PLAC1: variants seen among roughly 807,000 people sequenced by gnomAD.
The protein encoded by PLAC1 is placenta associated 1, also known as placenta-specific protein 1.
For missense variants in PLAC1, 136 were observed against 163.2 expected (o/e 0.83, Z 0.91); for synonymous variants, 68 against 62.1 (o/e 1.09, Z -0.44).
At chrX:134,712,475 G>C (rs185577244) in intron 2 of PLAC1, among the ~76,000 whole-genome samples, 5 of 111,457 alleles carry the variant, frequency 4.5e-5, no homozygotes, top group African/African-American at 1.6e-4. Context: ...AACACAGCCA[G>C]TGCTAGAAGT....
At chrX:134,587,262 C>T (rs917374384) in intron 2 of PLAC1, among the ~76,000 whole-genome samples, 1 of 110,417 alleles carries the variant, frequency 9.1e-6, no homozygotes, top group Non-Finnish European at 1.9e-5. Context: ...CCTTAAGCCT[C>T]CCTTTATGGG....
intron 2 of PLAC1, among the ~76,000 whole-genome samples, chrX:134,580,866 A>G (rs2077970612): frequency 1.8e-5 from 2 of 111,798 alleles, no homozygotes; most frequent in Non-Finnish European, 3.8e-5. Context: ...CTGTATATTC[A>G]GGCCTTCTCA....
In PLAC1 at chrX:134,566,636, G is replaced by A. The variant is rs1170486979; in HGVS notation, c.47C>T (p.Ala16Val). The change falls in exon 3 of 3, where the codon GCG (alanine) becomes GTG (valine). Residue 16 changes from alanine (A) to valine (V), a missense_variant. By Grantham distance (64) the Ala-to-Val change is moderately conservative (BLOSUM62 0). Coordinates refer to ENST00000359237, the MANE Select transcript of PLAC1 (RefSeq NM_021796.4). ...FIGLMILLTS[A>V]FSAGSGQSPM... The stretch of plus-strand genomic sequence containing the variant: ...ACTTTGTCCTGAACCGGCTGAAAAC[G>A]CAGAGGTGAGGAGGATCATCAGTCC... 5.0e-6 allele frequency: 6 copies of A among 1,204,846 alleles called. No individual in the cohort carries two copies. The highest frequency in any genetic ancestry group is 3.5e-5 in the African/African-American group (2 of 57,089).
chrX:134,568,118 C>A (rs1298025108), intron 2 of PLAC1, among the ~76,000 whole-genome samples: 2 of 112,006 alleles, frequency 1.8e-5, no homozygotes, highest in Non-Finnish European at 3.8e-5. Context: ...CCAATGTTTT[C>A]CAACTCAACT....
At chrX:134,666,584 G>T (rs1380675974) in intron 2 of PLAC1, among the ~76,000 whole-genome samples, 1 of 111,535 alleles carries the variant, frequency 9.0e-6, no homozygotes. Context: ...ACTCATGACG[G>T]CATGCTCAGA....
chrX:134,686,994 G>A (rs765647642), intron 2 of PLAC1, among the ~76,000 whole-genome samples: 24 of 111,402 alleles, frequency 2.2e-4, no homozygotes, highest in African/African-American at 7.5e-4. Context: ...AAATCATAAA[G>A]CTTCTCATTG....
At chrX:134,663,563 G>T (rs1430595698) in intron 2 of PLAC1, among the ~76,000 whole-genome samples, 5 of 112,298 alleles carry the variant, frequency 4.5e-5, no homozygotes, top group African/African-American at 1.6e-4. Flanking sequence ...ATAGGTTCAT[G>T]GTTCCTTTTC....
rs58865720 is a variant in PLAC1, at chrX:134,588,290, TTTTATTTATTTATTTA to T, written c.-59+13745_-59+13760del. ...CACCCTTTTTTTCTAGAACTCTTTA[TTTTATTTATTTATTTA>T]TTTATTTATTTATTTATTTATTTAT... On this transcript the variant is annotated intron_variant, in intron 2 of 2. Transcript: ENST00000359237. Among the ~76,000 whole-genome samples, 498 of 74,651 alleles carry T rather than the reference TTTTATTTATTTATTTA, an allele frequency of 6.7e-3. 1 individual carries two copies. Among genetic ancestry groups the T allele is most frequent in the African/African-American group, 0.019 (439 of 23,041 alleles). 64.8% of individuals were successfully genotyped at this position (74,651 alleles called of 115,157 possible). A position where few individuals can be genotyped will look rare whatever the true frequency, so the allele number is the denominator to read the frequency against.
At chrX:134,615,859 C>T (rs1022209894) in intron 1 of PLAC1, among the ~76,000 whole-genome samples, 2 of 110,874 alleles carry the variant, frequency 1.8e-5, no homozygotes, top group Admixed American at 9.7e-5. Flanking sequence ...CTTCTTGGCA[C>T]CCTTGTTAAA....
At chrX:134,655,418 T>C (rs915455445) in intron 1 of PLAC1, among the ~76,000 whole-genome samples, 2 of 111,028 alleles carry the variant, frequency 1.8e-5, no homozygotes, top group East Asian at 2.8e-4. Flanking sequence ...TTCTTCAGAA[T>C]GACTCTTTAA....
intron 1 of PLAC1, among the ~76,000 whole-genome samples, chrX:134,625,777 G>A (rs961668909): frequency 1.8e-5 from 2 of 110,790 alleles, no homozygotes; most frequent in African/African-American, 3.3e-5. Context: ...TAACCAAGGC[G>A]AGGCACTGCT....
At chrX:134,633,990 C>T (rs1320119154) in intron 1 of PLAC1, among the ~76,000 whole-genome samples, 1 of 111,272 alleles carries the variant, frequency 9.0e-6, no homozygotes, top group Non-Finnish European at 1.9e-5. Flanking sequence ...TGGTCCATGT[C>T]CTGCCACTGA....
At chrX:134,751,283 C>T (rs144726856) in intron 1 of PLAC1, among the ~76,000 whole-genome samples, 1,751 of 109,049 alleles carry the variant, frequency 0.016, 35 homozygotes, top group African/African-American at 0.055. Flanking sequence ...TTCCCATCAT[C>T]GTGGAAAGTT....
rs150232102 is a variant in PLAC1, at chrX:134,701,961, T to C, written n.174+31474A>G. Among the ~76,000 whole-genome samples the C allele has an allele frequency of 5.8e-3, 644 of 111,881 alleles. 4 individuals are homozygous for C. Among genetic ancestry groups the C allele is most frequent in the South Asian group, 0.011 (30 of 2,638 alleles). ...TTGAGCCCGGGAGGCAGAGGTTGCATTGAGCCAAGATTGTGCCACTGCACT... is the reference window on the plus strand; with the variant it reads ...TTGAGCCCGGGAGGCAGAGGTTGCACTGAGCCAAGATTGTGCCACTGCACT... On this transcript the variant is annotated intron_variant and non_coding_transcript_variant, in intron 2 of 2. Coordinates refer to the PLAC1 transcript ENST00000466797.
intron 1 of PLAC1, among the ~76,000 whole-genome samples, chrX:134,759,924 G>A (rs1737578803): frequency 9.0e-6 from 1 of 111,164 alleles, no homozygotes; most frequent in South Asian, 3.8e-4. Flanking sequence ...AGGGTGAATC[G>A]GGGGTAGGGA....
At chrX:134,668,496 G>A (rs752668240) in intron 2 of PLAC1, among the ~76,000 whole-genome samples, 1 of 112,865 alleles carries the variant, frequency 8.9e-6, no homozygotes, top group Non-Finnish European at 1.9e-5. Flanking sequence ...CCCACACCCA[G>A]AGTCACTCTG....
intron 2 of PLAC1, among the ~76,000 whole-genome samples, chrX:134,708,990 C>T (rs1444644979): frequency 9.0e-6 from 1 of 111,462 alleles, no homozygotes; most frequent in Non-Finnish European, 1.9e-5. Context: ...GTACAGGGGG[C>T]CTCTCTGTAC....
intron 1 of PLAC1, among the ~76,000 whole-genome samples, chrX:134,649,529 T>C (rs187776068): frequency 9.0e-6 from 1 of 110,659 alleles, no homozygotes; most frequent in African/African-American, 3.3e-5. Context: ...AGCATTCCCC[T>C]CCCTGCTCAA....
chrX:134,695,142 T>G (rs780485558), intron 2 of PLAC1, among the ~76,000 whole-genome samples: 2 of 111,863 alleles, frequency 1.8e-5, no homozygotes, highest in Admixed American at 1.9e-4. Context: ...AGAATAAATT[T>G]TGTGGAATGG....
Sources: allele counts gnomAD v4.1 joint callset (sites outside exome capture counted in the v4.1 genomes callset), GRCh38; gene constraint gnomAD v4.1.1; transcripts MANE v1.5; gene names NCBI Gene and HGNC (gene_info 2026-07-23, HGNC 2026-07-21).